PLD5: variants seen among roughly 807,000 people sequenced by gnomAD.
PLD5 encodes inactive phospholipase D5.
In PLD5, 36 loss-of-function variants were observed where a neutral mutation model predicts 61.1. The observed-to-expected ratio is 0.59, with a 90% CI of 0.45 to 0.78. The LOEUF (loss-of-function observed/expected upper bound fraction) is 0.78. PLD5 is among the 30% of genes least tolerant of loss of function. The pLI is 0.00. For missense variants in PLD5, 515 were observed against 644.4 expected, an observed-to-expected ratio of 0.80 and a Z score of 2.17; for synonymous variants, 243 against 242.8, an observed-to-expected ratio of 1.00 and a Z score of -0.01.
rs551242790 is a variant in PLD5 at position 242,518,244 on chromosome 1, G to A, written c.189+5844C>T. Among the ~76,000 whole-genome samples the A allele has an allele frequency of 9.2e-5, 14 of 152,212 alleles. No individual in the cohort carries two copies. In the East Asian group the frequency reaches 1.5e-3, roughly 17 times the overall value. Reference sequence around the variant, plus strand: ...TAGAAACTGGGCTCTTTTTCTTTCCGAGTAAAATTTAAACATGCTTTTTTG... The same window carrying A: ...TAGAAACTGGGCTCTTTTTCTTTCCAAGTAAAATTTAAACATGCTTTTTTG... On this transcript the variant is annotated intron_variant, in intron 1 of 9. Transcript: ENST00000536534.
intron 2 of PLD5, 116 bp from the exon 3 acceptor site, chr1:242,288,646 A>G (rs1675170921): frequency 2.1e-6 from 3 of 1,428,230 alleles, no homozygotes; most frequent in African/African-American, 1.4e-5. Context: ...TTCTGAATGC[A>G]TTCTCTCCTC....
intron 1 of PLD5, among the ~76,000 whole-genome samples, chr1:242,410,363 T>TA (rs1014805087): frequency 2.0e-4 from 31 of 152,124 alleles, no homozygotes; most frequent in African/African-American, 7.5e-4. Context: ...CAGACACCTG[T>TA]AAAAAACCCA....
chr1:242,230,613 T>A (rs1295977164), intron 4 of PLD5, among the ~76,000 whole-genome samples: 1 of 152,204 alleles, frequency 6.6e-6, no homozygotes, highest in Non-Finnish European at 1.5e-5. Flanking sequence ...CGGGGAAACA[T>A]GAAAGGGTGA....
rs1205343031 is a variant in PLD5 at position 242,256,917 on chromosome 1, A to G, written c.607+8420T>C. On this transcript the variant is annotated intron_variant, in intron 4 of 9. Coordinates refer to ENST00000536534, the MANE Select transcript of PLD5 (RefSeq NM_001372062.1). This position sits in a 1 kb window ranked among gnomAD's most constrained non-coding sequence, Gnocchi z 5.7. ...TTTCTCTTTCTTTTTTCATCTATCT[A>G]TCTATCTATCTATCTAATCTATCTC... Among the ~76,000 whole-genome samples, 1 of 112,940 alleles carries G rather than the reference A, an allele frequency of 8.9e-6. No individual in the cohort carries two copies. The highest frequency in any genetic ancestry group is 1.8e-5 in the Non-Finnish European group (1 of 56,886). 74.1% of individuals were successfully genotyped at this position (112,940 alleles called of 152,430 possible).
At chr1:242,512,680 T>C (rs1260834570) in intron 1 of PLD5, among the ~76,000 whole-genome samples, 1 of 152,190 alleles carries the variant, frequency 6.6e-6, no homozygotes, top group South Asian at 2.1e-4. Context: ...ACACTGGATA[T>C]TGACATAGAT....
chr1:242,226,591 TA>T (rs1450013978), intron 4 of PLD5, among the ~76,000 whole-genome samples: 1 of 152,212 alleles, frequency 6.6e-6, no homozygotes, highest in African/African-American at 2.4e-5. Flanking sequence ...AATGTTAAGC[TA>T]CAAATATGCT....
chr1:242,089,397 T>C lies in PLD5; in HGVS notation c.*457A>G, dbSNP rs967608574. On this transcript the variant is annotated 3_prime_UTR_variant, in exon 10 of 10. Coordinates refer to ENST00000536534, the MANE Select transcript of PLD5 (RefSeq NM_001372062.1). ...TCATGCTTAGCTGACTGTGTAGGTCTTGGAGACGATTTACAAGAATAAACA... is the reference window on the plus strand; with the variant it reads ...TCATGCTTAGCTGACTGTGTAGGTCCTGGAGACGATTTACAAGAATAAACA... The C allele has an allele frequency of 9.7e-6, 4 of 411,886 alleles. No homozygotes were observed. The highest frequency in any genetic ancestry group is 4.1e-5 in the African/African-American group (2 of 48,792). 25.5% of individuals were successfully genotyped at this position (411,886 alleles called of 1,614,324 possible). A position where few individuals can be genotyped will look rare whatever the true frequency, so the allele number is the denominator to read the frequency against.
At chr1:242,098,939 C>T (rs1489801104) in intron 9 of PLD5, among the ~76,000 whole-genome samples, 1 of 152,050 alleles carries the variant, frequency 6.6e-6, no homozygotes, top group Non-Finnish European at 1.5e-5. Flanking sequence ...CAGAGGAGTA[C>T]CCCACCGTGT....
intron 5 of PLD5, among the ~76,000 whole-genome samples, chr1:242,182,299 T>C (rs1667568232): frequency 6.6e-6 from 1 of 152,180 alleles, no homozygotes; most frequent in African/African-American, 2.4e-5. Context: ...GCCATGGGTA[T>C]CCCTAAGACA....
chr1:242,425,004 C>G (rs150535334), intron 1 of PLD5, among the ~76,000 whole-genome samples: 1 of 152,046 alleles, frequency 6.6e-6, no homozygotes, highest in African/African-American at 2.4e-5. Flanking sequence ...TGGTTGTGCA[C>G]GCCTGCAATC....
intron 4 of PLD5, among the ~76,000 whole-genome samples, chr1:242,263,525 T>A (rs999488275): frequency 1.3e-5 from 2 of 150,956 alleles, no homozygotes; most frequent in Non-Finnish European, 2.9e-5. Flanking sequence ...ATGTTCTACA[T>A]ACAGTATACA....
intron 3 of PLD5, among the ~76,000 whole-genome samples, chr1:242,283,015 G>T (rs953634757): frequency 3.9e-5 from 6 of 152,032 alleles, no homozygotes; most frequent in Admixed American, 3.9e-4. Flanking sequence ...ATTAACACCA[G>T]GAAAGAGACA....
intron 5 of PLD5, among the ~76,000 whole-genome samples, chr1:242,215,346 T>C (rs1173178248): frequency 1.3e-5 from 2 of 151,956 alleles, no homozygotes; most frequent in African/African-American, 4.8e-5. Context: ...GGACAAGCCA[T>C]AGTAAAACAT....
chr1:242,292,433 ATATAG>A (rs1258719970), intron 2 of PLD5, among the ~76,000 whole-genome samples: 2 of 152,326 alleles, frequency 1.3e-5, no homozygotes, highest in East Asian at 3.9e-4. Flanking sequence ...GAGGGGAGGA[ATATAG>A]TATAATTGTA....
At chr1:242,173,259 AACAG>A (rs1395220487) in intron 5 of PLD5, among the ~76,000 whole-genome samples, 52 of 152,224 alleles carry the variant, frequency 3.4e-4, no homozygotes, top group Non-Finnish European at 4.1e-4. Context: ...CTATACCAAT[AACAG>A]ACAGAGAGCC....
chr1:242,211,447 A>G (rs1016851941), intron 5 of PLD5, among the ~76,000 whole-genome samples: 5 of 152,312 alleles, frequency 3.3e-5, no homozygotes, highest in Admixed American at 6.5e-5. Context: ...GGCCCTCTCC[A>G]GGGTGGGGGC....
At chr1:242,194,977 G>T (rs974329807) in intron 5 of PLD5, among the ~76,000 whole-genome samples, 1 of 151,896 alleles carries the variant, frequency 6.6e-6, no homozygotes, top group African/African-American at 2.4e-5. Context: ...CATCACTAAA[G>T]AATTTACTCA....
At chr1:242,280,470 A>G in intron 3 of PLD5, among the ~76,000 whole-genome samples, 1 of 152,200 alleles carries the variant, frequency 6.6e-6, no homozygotes. Context: ...TGTCCTCATT[A>G]AAAATAGACA....
intron 4 of PLD5, among the ~76,000 whole-genome samples, chr1:242,222,566 G>A (rs181138017): frequency 4.5e-4 from 69 of 152,272 alleles, no homozygotes; most frequent in Middle Eastern, 3.4e-3. Flanking sequence ...CTGAAACTCG[G>A]CCCCGTGGCC....
Sources: gnomAD v4.1 joint callset for allele counts (sites outside exome capture counted in the v4.1 genomes callset) on GRCh38, gnomAD v4.1.1 for gene constraint, Gnocchi (gnomAD v3.1) non-coding constraint, MANE v1.5 for transcripts, NCBI Gene and HGNC (gene_info 2026-07-23, HGNC 2026-07-21) for gene names.